Variants in VPS13B observed in about 807,000 individuals in gnomAD.
VPS13B encodes the protein intermembrane lipid transfer protein VPS13B.
In VPS13B, 285 loss-of-function variants were observed where a neutral mutation model predicts 426.4. That is an observed-to-expected ratio of 0.67 (90% CI 0.61 to 0.74). VPS13B has a LOEUF of 0.74. Among genes scored for constraint, VPS13B ranks in the 30% least tolerant of loss-of-function variants. The pLI is 0.00. For synonymous variants in VPS13B, 1,676 were observed against 1,676.4 expected, an observed-to-expected ratio of 1.00 and a Z score of 0.01; for missense variants, 4,537 against 4,782.6, an observed-to-expected ratio of 0.95 and a Z score of 1.51.
At chr8:99,027,005 T>C (rs1842175240) in intron 2 of VPS13B, among the ~76,000 whole-genome samples, 1 of 152,152 alleles carries the variant, frequency 6.6e-6, no homozygotes, top group African/African-American at 2.4e-5. Flanking sequence ...GCCTCCTAAA[T>C]TGCTGGGATT....
At chr8:99,556,694 T>G in intron 31 of VPS13B, 41 bp downstream of exon 31, 1 of 1,594,354 alleles carries the variant, frequency 6.3e-7, no homozygotes, top group South Asian at 1.1e-5. Flanking sequence ...TTCTAATACT[T>G]CATTGCCAGA....
At chr8:99,132,036 G>A (rs755242880) in intron 8 of VPS13B, among the ~76,000 whole-genome samples, 3 of 152,060 alleles carry the variant, frequency 2.0e-5, no homozygotes, top group Non-Finnish European at 4.4e-5. Context: ...AGCTGGGACT[G>A]CAGGCATGCA....
At chr8:99,769,221 G>A (rs560982885) in intron 40 of VPS13B, among the ~76,000 whole-genome samples, 3 of 152,198 alleles carry the variant, frequency 2.0e-5, no homozygotes, top group Admixed American at 6.5e-5. Context: ...ACTTTAAATT[G>A]TTTGAGACTA....
intron 3 of VPS13B, among the ~76,000 whole-genome samples, chr8:99,047,390 C>T (rs1204536279): frequency 6.6e-6 from 1 of 152,120 alleles, no homozygotes; most frequent in Non-Finnish European, 1.5e-5. Flanking sequence ...CGTTTCGTTT[C>T]TAATTGAGCT....
At chr8:99,481,469 A>G (rs1270271966) in intron 24 of VPS13B, 130 bp from the exon 25 acceptor site, 6 of 976,500 alleles carry the variant, frequency 6.1e-6, no homozygotes, top group Non-Finnish European at 9.6e-6. Flanking sequence ...GTGATCAGTG[A>G]TGCATTGGTA....
chr8:99,086,677 A>T (rs1025445500), intron 3 of VPS13B, among the ~76,000 whole-genome samples: 19 of 152,192 alleles, frequency 1.2e-4, no homozygotes, highest in Non-Finnish European at 4.4e-5. Flanking sequence ...TCCTTCTAAC[A>T]GTCAGGACCC....
At chr8:99,815,095 G>T (rs1338241239) in intron 44 of VPS13B, among the ~76,000 whole-genome samples, 1 of 103,876 alleles carries the variant, frequency 9.6e-6, no homozygotes. Context: ...GGGGGTGTGT[G>T]TGTGCACACC....
intron 33 of VPS13B, among the ~76,000 whole-genome samples, chr8:99,625,826 A>T (rs976290004): frequency 5.3e-5 from 8 of 152,220 alleles, no homozygotes; most frequent in Non-Finnish European, 7.3e-5. Flanking sequence ...AGCCTGGGCA[A>T]TAAAATAAGT....
intron 27 of VPS13B, among the ~76,000 whole-genome samples, chr8:99,505,058 G>C (rs1281657187): frequency 6.6e-6 from 1 of 152,172 alleles, no homozygotes; most frequent in Non-Finnish European, 1.5e-5. Context: ...ACTAACTTCT[G>C]CTAGCTTCAA....
At chr8:99,592,884 C>T (rs991086746) in intron 33 of VPS13B, among the ~76,000 whole-genome samples, 3 of 152,162 alleles carry the variant, frequency 2.0e-5, no homozygotes, top group Non-Finnish European at 4.4e-5. Context: ...AAACTGTACC[C>T]CTTCCTTACA....
At chr8:99,127,190 A>G (rs967913015) in intron 8 of VPS13B, among the ~76,000 whole-genome samples, 1 of 151,884 alleles carries the variant, frequency 6.6e-6, no homozygotes, top group African/African-American at 2.4e-5. Flanking sequence ...CCTCTTCTGT[A>G]TGACCTTTAA....
At chr8:99,487,667 C>T (rs1018303490) in intron 25 of VPS13B, among the ~76,000 whole-genome samples, 7 of 152,080 alleles carry the variant, frequency 4.6e-5, no homozygotes, top group African/African-American at 1.7e-4. Context: ...TTTGCCTATT[C>T]TAGGTACTTC....
At chr8:99,731,687 A>G (rs1377166619) in intron 39 of VPS13B, among the ~76,000 whole-genome samples, 1 of 152,194 alleles carries the variant, frequency 6.6e-6, no homozygotes, top group Non-Finnish European at 1.5e-5. Flanking sequence ...AAAGAAATGA[A>G]TGCAAGAGAG....
At chr8:99,420,727 G>A (rs755886475) in intron 21 of VPS13B, among the ~76,000 whole-genome samples, 29 of 152,110 alleles carry the variant, frequency 1.9e-4, no homozygotes, top group Non-Finnish European at 2.1e-4. Context: ...AATATTTAAA[G>A]TTATACCATG....
At chr8:99,335,620 G>A (rs1261943745) in intron 19 of VPS13B, among the ~76,000 whole-genome samples, 1 of 152,060 alleles carries the variant, frequency 6.6e-6, no homozygotes, top group African/African-American at 2.4e-5. Context: ...AAACCCCATT[G>A]TCTCAGCCCA....
intron 33 of VPS13B, among the ~76,000 whole-genome samples, chr8:99,623,712 A>C (rs1828467395): frequency 6.6e-6 from 1 of 152,140 alleles, no homozygotes; most frequent in African/African-American, 2.4e-5. Context: ...AGATAATTGA[A>C]GCCACTGGAA....
rs547777692 is a variant in VPS13B at position 99,444,758 on chromosome 8, C to T, written c.3445+2123C>T. The stretch of plus-strand genomic sequence containing the variant: ...AATCACGGCTCACTGCCGCCTTGAC[C>T]GCCGGAGCTCAATTGATCCTCCCAC... On this transcript the variant is annotated intron_variant, in intron 23 of 61. Transcript: ENST00000357162. Among the ~76,000 whole-genome samples, 17 of 152,132 alleles carry T rather than the reference C, an allele frequency of 1.1e-4. No individual in the cohort carries two copies. In the South Asian group the frequency reaches 2.9e-3, roughly 26 times the overall value.
chr8:99,546,138 C>A (rs1823960867), intron 30 of VPS13B, among the ~76,000 whole-genome samples: 1 of 151,872 alleles, frequency 6.6e-6, no homozygotes. Context: ...ATTCTTTCTT[C>A]TTGACCGATT....
intron 19 of VPS13B, among the ~76,000 whole-genome samples, chr8:99,307,481 C>T (rs912243882): frequency 6.6e-6 from 1 of 151,982 alleles, no homozygotes; most frequent in Non-Finnish European, 1.5e-5. Flanking sequence ...TAAAATGAAA[C>T]TTCATAGGTA....
Sources: gnomAD v4.1 joint callset for allele counts (sites outside exome capture counted in the v4.1 genomes callset) on GRCh38, gnomAD v4.1.1 for gene constraint, MANE v1.5 for transcripts, NCBI Gene and HGNC (gene_info 2026-07-23, HGNC 2026-07-21) for gene names.